Variants in RTN4RL1 observed in about 807,000 individuals in gnomAD.
The protein encoded by RTN4RL1 is reticulon-4 receptor-like 1.
A neutral mutation model predicts 25.6 loss-of-function variants in RTN4RL1; 7 were observed. The ratio of observed to expected loss-of-function variants is 0.27; its 90% CI spans 0.16 to 0.51. The LOEUF (loss-of-function observed/expected upper bound fraction) is 0.51. Ranked by LOEUF, RTN4RL1 falls within the 20% of genes least tolerant of loss-of-function variation. RTN4RL1 has a pLI of 0.97. For synonymous variants in RTN4RL1, 297 were observed against 288.2 expected (o/e 1.03, Z -0.31); for missense variants, 500 against 615.6 (o/e 0.81, Z 1.99).
chr17:1,953,739 A>G (rs1326068685), intron 1 of RTN4RL1, among the ~76,000 whole-genome samples: 1 of 151,960 alleles, frequency 6.6e-6, no homozygotes, highest in Non-Finnish European at 1.5e-5. Context: ...TAATTTTTGT[A>G]TTTTTAGTAG....
At chr17:2,016,210 G>A (rs1310013487) in intron 1 of RTN4RL1, among the ~76,000 whole-genome samples, 2 of 152,014 alleles carry the variant, frequency 1.3e-5, no homozygotes, top group Admixed American at 6.6e-5. Flanking sequence ...GTGAAACCCC[G>A]TTTCTACTAA....
At chr17:1,952,974 G>A (rs1377819973) in intron 1 of RTN4RL1, among the ~76,000 whole-genome samples, 2 of 151,950 alleles carry the variant, frequency 1.3e-5, no homozygotes, top group Non-Finnish European at 2.9e-5. Flanking sequence ...CTACTCGGGA[G>A]GCTGAGGTGG....
chr17:1,962,503 T>G (rs1458115983), intron 1 of RTN4RL1, among the ~76,000 whole-genome samples: 3 of 151,410 alleles, frequency 2.0e-5, no homozygotes. Flanking sequence ...GGACTACAGG[T>G]GCTCGCCATC....
intron 1 of RTN4RL1, among the ~76,000 whole-genome samples, chr17:1,989,186 G>T (rs559846836): frequency 6.6e-6 from 1 of 152,144 alleles, no homozygotes; most frequent in Non-Finnish European, 1.5e-5. Flanking sequence ...AAACGGAGAG[G>T]AGGGGATGGA....
At chr17:1,982,975 C>A (rs936664807) in intron 1 of RTN4RL1, among the ~76,000 whole-genome samples, 1 of 152,274 alleles carries the variant, frequency 6.6e-6, no homozygotes, top group Admixed American at 6.5e-5. Flanking sequence ...GGCAGCAACC[C>A]GCAAACTGGG....
intron 1 of RTN4RL1, among the ~76,000 whole-genome samples, chr17:1,943,040 C>T (rs567319022): frequency 1.8e-4 from 27 of 152,346 alleles, no homozygotes; most frequent in Middle Eastern, 3.4e-3. Flanking sequence ...GGCCCTTGCC[C>T]CAGGCCCAGG....
At position 1,937,477 on chromosome 17, in the gene RTN4RL1, C is replaced by T. The variant is rs542976578; in HGVS notation, c.345G>A (p.Thr115=). 7.9e-5 allele frequency: 127 copies of T among 1,613,940 alleles called. No homozygotes were observed. Among genetic ancestry groups the T allele is most frequent in the South Asian group, 1.8e-4 (16 of 91,072 alleles). ...LDLGDNRQLR[T]LAPETFQGLV... is the part of the protein sequence containing the mutation. Reference sequence around the variant, plus strand: ...GGCCCTGGAAGGTCTCGGGTGCCAGCGTCCGCAGCTGCCGGTTGTCGCCGA... The same window carrying T: ...GGCCCTGGAAGGTCTCGGGTGCCAGTGTCCGCAGCTGCCGGTTGTCGCCGA... Residue 115 remains threonine, a synonymous_variant, in exon 2 of 2, where the codon ACG becomes ACA. Transcript: ENST00000331238.
chr17:1,958,657 T>A lies in RTN4RL1; in HGVS notation c.14-20849A>T, dbSNP rs920155059. Among the ~76,000 whole-genome samples, 14 of 152,284 alleles carry A rather than the reference T, an allele frequency of 9.2e-5. No homozygotes were observed. In the Middle Eastern group the frequency reaches 0.01, roughly 111 times the overall value. ...ACCCCAGGGGATACTTGAAAGAGGT[T>A]GCTAAAGAAACAGTTCCGGCAGGAT... is the stretch of plus-strand genomic sequence containing the variant. On this transcript the variant is annotated intron_variant, in intron 1 of 1. Transcript: ENST00000331238.
intron 1 of RTN4RL1, among the ~76,000 whole-genome samples, chr17:1,959,073 T>A (rs994542119): frequency 1.3e-4 from 20 of 152,126 alleles, no homozygotes. Flanking sequence ...TCCGCTGGGC[T>A]CCCCCGGCCT....
intron 1 of RTN4RL1, among the ~76,000 whole-genome samples, chr17:1,957,152 C>G (rs565090943): frequency 3.3e-5 from 5 of 152,344 alleles, no homozygotes; most frequent in Non-Finnish European, 7.3e-5. Flanking sequence ...CGGCTTGGTT[C>G]AAATACCTGA....
chr17:2,009,088 G>T (rs1294947004), intron 1 of RTN4RL1, among the ~76,000 whole-genome samples: 3 of 152,192 alleles, frequency 2.0e-5, no homozygotes, highest in African/African-American at 7.2e-5. Context: ...AGAAAAGGGT[G>T]ATGTATCAAT....
chr17:1,943,263 CA>C (rs1447661125), intron 1 of RTN4RL1, among the ~76,000 whole-genome samples: 1 of 152,260 alleles, frequency 6.6e-6, no homozygotes, highest in Non-Finnish European at 1.5e-5. Flanking sequence ...GGCCTCAACC[CA>C]GCTGACTGCA....
intron 1 of RTN4RL1, among the ~76,000 whole-genome samples, chr17:2,008,630 C>T (rs138122450): frequency 3.3e-5 from 5 of 152,266 alleles, no homozygotes; most frequent in African/African-American, 1.2e-4. Context: ...AACCAACCTC[C>T]TCCTCCCTGG....
rs75666652 is a variant in RTN4RL1, at chr17:1,972,571, C to T, written c.14-34763G>A. On this transcript the variant is annotated intron_variant, in intron 1 of 1. Transcript: ENST00000331238. ...ACGCCCTCTCTACCCTCTGTCTCCA[C>T]CCTAAGGTCAAGTCTCCCTTCTCCC... Among the ~76,000 whole-genome samples, 16 of 152,280 alleles carry T rather than the reference C, an allele frequency of 1.1e-4. No homozygotes were observed. In the East Asian group the frequency reaches 3.1e-3, roughly 29 times the overall value.
chr17:1,989,967 C>T (rs948161293), intron 1 of RTN4RL1, among the ~76,000 whole-genome samples: 1 of 151,634 alleles, frequency 6.6e-6, no homozygotes, highest in Non-Finnish European at 1.5e-5. Flanking sequence ...CAAAAAAAAA[C>T]AAAACAAAAA....
intron 1 of RTN4RL1, among the ~76,000 whole-genome samples, chr17:1,999,902 G>A (rs1191890620): frequency 1.3e-5 from 2 of 152,258 alleles, no homozygotes; most frequent in African/African-American, 4.8e-5. Context: ...AGGGCCCAGA[G>A]CAGCTGGGGC....
intron 1 of RTN4RL1, among the ~76,000 whole-genome samples, chr17:1,957,993 G>A (rs780953453): frequency 6.6e-6 from 1 of 151,764 alleles, no homozygotes. Flanking sequence ...CCTGGGTAAT[G>A]CAGTGAGACC....
intron 1 of RTN4RL1, among the ~76,000 whole-genome samples, chr17:2,023,338 G>A (rs2067233699): frequency 6.6e-6 from 1 of 152,196 alleles, no homozygotes; most frequent in Admixed American, 6.5e-5. Flanking sequence ...CCTTTCTGCA[G>A]GGAAAAGGAG....
intron 1 of RTN4RL1, among the ~76,000 whole-genome samples, chr17:1,951,047 C>T (rs1441953249): frequency 5.3e-5 from 8 of 151,652 alleles, no homozygotes; most frequent in Non-Finnish European, 5.9e-5. Flanking sequence ...GGGTGGATCA[C>T]GAGGTCAGGA....
Sources: allele counts gnomAD v4.1 joint callset (sites outside exome capture counted in the v4.1 genomes callset), GRCh38; gene constraint gnomAD v4.1.1; transcripts MANE v1.5; gene names NCBI Gene and HGNC (gene_info 2026-07-23, HGNC 2026-07-21).